The following TBX3 variants were observed in gnomAD, a reference collection of about 807,000 sequenced individuals.
TBX3 encodes the protein T-box transcription factor TBX3.
In TBX3, 11 loss-of-function variants were observed where a neutral mutation model predicts 47.8. The ratio of observed to expected loss-of-function variants is 0.23; its 90% confidence interval spans 0.14 to 0.38. The LOEUF (loss-of-function observed/expected upper bound fraction) is 0.38, where lower values mean the gene tolerates loss of function less well. Among genes scored for constraint, TBX3 ranks in the 10% least tolerant of loss-of-function variants. TBX3 has a pLI of 1.00. For missense variants in TBX3, 927 were observed against 1,022.8 expected (o/e 0.91, Z 1.28); for synonymous variants, 500 against 449.3 (o/e 1.11, Z -1.43).
At chr12:114,677,537 G>T in intron 4 of TBX3, 43 bp downstream of exon 4, 2 of 1,590,356 alleles carry the variant, frequency 1.3e-6, no homozygotes, top group Non-Finnish European at 1.7e-6. Flanking sequence ...CCTAAAAAAA[G>T]GGATTTTTCT....
Position 114,681,061 on chromosome 12 carries a change from C to T in TBX3, c.475G>A (p.Asp159Asn). The T allele has an allele frequency of 1.2e-6, 2 of 1,613,962 alleles. No homozygotes were observed. Among genetic ancestry groups the T allele is most frequent in the Non-Finnish European group, 1.7e-6 (2 of 1,180,026 alleles). ...TTGTGAAATTTATAACGACAGTCATCAGCAGCTATAATGTCCATCAATAAA... is the reference window on the plus strand; with the variant it reads ...TTGTGAAATTTATAACGACAGTCATTAGCAGCTATAATGTCCATCAATAAA... The part of the protein sequence containing the change: ...YILLMDIIAA[D>N]DCRYKFHNSR... The change falls in exon 2 of 7, where the codon GAT (aspartate) becomes AAT (asparagine). Residue 159 changes from aspartate (D) to asparagine (N), a missense_variant. Coordinates refer to ENST00000349155, the MANE Select transcript of TBX3 (RefSeq NM_005996.4).
Position 114,670,337 on chromosome 12 carries a change from A to T in TBX3, c.*1504T>A. 1 of 224,802 alleles carries T rather than the reference A, an allele frequency of 4.4e-6. No homozygotes were observed. The highest frequency in any genetic ancestry group is 8.9e-6 in the Non-Finnish European group (1 of 112,818). 13.9% of individuals were successfully genotyped at this position (224,802 alleles called of 1,614,324 possible). A position where few individuals can be genotyped will look rare whatever the true frequency, so the allele number is the denominator to read the frequency against. ...ATACAGAAAACCAAAGAACTCATCA[A>T]CAACTATAACACAAAATATACCTTC... On this transcript the variant is annotated 3_prime_UTR_variant, in exon 7 of 7. Coordinates refer to ENST00000349155, the MANE Select transcript of TBX3 (RefSeq NM_005996.4).
rs1868631530 is a variant in TBX3, at chr12:114,674,766, C to A, written c.1109G>T (p.Cys370Phe). The part of the protein sequence containing the change: ...ESKEEHGPEA[C>F]DAAKISTTTS... ...GGTGGTGGAGATCTTGGCCGCGTCG[C>A]AGGCCTCGGGGCCATGCTCCTCTTT... The change falls in exon 6 of 7, where the codon TGC (cysteine) becomes TTC (phenylalanine). Residue 370 changes from cysteine to phenylalanine, a missense_variant. Coordinates refer to ENST00000349155, the MANE Select transcript of TBX3 (RefSeq NM_005996.4). The A allele has an allele frequency of 6.3e-7, 1 of 1,588,968 alleles. No homozygotes were observed. Among genetic ancestry groups the A allele is most frequent in the African/African-American group, 1.3e-5 (1 of 74,772 alleles).
At chr12:114,681,299 C>A (rs1378833742) in intron 1 of TBX3, among the ~76,000 whole-genome samples, 153 bp from the exon 2 acceptor site, 3 of 152,182 alleles carry the variant, frequency 2.0e-5, no homozygotes, top group Non-Finnish European at 4.4e-5. Context: ...CAACTGGTTG[C>A]AAAATCGTTT....
rs1275440248 is a variant in TBX3, at chr12:114,671,847, G to A, written c.2166C>T (p.Ser722=). ...EAKPDRSRSA[S]P is the part of the protein sequence containing the mutation. ...AGACGTGTCTGGGACGGGTCTACGG[G>A]GACGCGCTGCGGGACCTGTCCGGCT... The change falls in exon 7 of 7, where the codon TCC becomes TCT. Residue 722 remains serine (S), a synonymous_variant. Transcript: ENST00000349155. 6 of 1,555,988 alleles carry A rather than the reference G, an allele frequency of 3.9e-6. No individual in the cohort carries two copies. In the East Asian group the frequency reaches 1.4e-4, roughly 38 times the overall value.
rs536946655 is a variant in TBX3 at position 114,683,059 on chromosome 12, G to C, written c.142C>G (p.Pro48Ala). The C allele has an allele frequency of 1.2e-6, 2 of 1,609,536 alleles. No homozygotes were observed. Among genetic ancestry groups the C allele is most frequent in the East Asian group, 4.5e-5 (2 of 44,700 alleles). The change falls in exon 1 of 7, where the codon CCC becomes GCC. Residue 48 changes from proline to alanine, a missense_variant. Pro to Ala is a conservative substitution (Grantham distance 27). Around this residue, in one of 5 missense-constraint regions of TBX3, gnomAD observed 216 missense variants for 281.2 expected, o/e 0.77. Coordinates refer to ENST00000349155, the MANE Select transcript of TBX3 (RefSeq NM_005996.4). The surrounding 1 kb of genome is among the most constrained non-coding windows in gnomAD (Gnocchi z 7.7). ...PPFFPALTLP[P>A]NGAAALSLPG... is the part of the protein sequence containing the mutation. ...AGCGAGAGCGCCGCCGCGCCGTTGG[G>C]AGGCAGCGTCAGCGCGGGGAAGAAC... is the stretch of plus-strand genomic sequence containing the variant.
rs1869038914 is a variant in TBX3 at position 114,683,423 on chromosome 12, G to A, written c.-223C>T. On this transcript the variant is annotated 5_prime_UTR_variant, in exon 1 of 7. Transcript: ENST00000349155. This position sits in a 1 kb window ranked among gnomAD's most constrained non-coding sequence, Gnocchi z 7.7. ...AGAATGGGAGGCCGCTTTTAAAGAG[G>A]GCAAGGCGAAAAATCAGCAAACATA... 3.3e-6 allele frequency: 2 copies of A among 612,330 alleles called. No homozygotes were observed. The highest frequency in any genetic ancestry group is 2.5e-5 in the South Asian group (1 of 39,736). 37.9% of individuals were successfully genotyped at this position (612,330 alleles called of 1,614,324 possible). A position where few individuals can be genotyped will look rare whatever the true frequency, so the allele number is the denominator to read the frequency against.
chr12:114,677,528 C>T, intron 4 of TBX3, 52 bp downstream of exon 4: 1 of 1,577,696 alleles, frequency 6.3e-7, no homozygotes, highest in Admixed American at 1.7e-5. Flanking sequence ...GAGTTGGATC[C>T]TAAAAAAAGG....
At chr12:114,681,509 A>G (rs539709) in intron 1 of TBX3, among the ~76,000 whole-genome samples, 125,768 of 152,202 alleles carry the variant, frequency 0.83, 52,124 homozygotes, top group East Asian at 0.92. Flanking sequence ...GGGTATCTAG[A>G]TCTAAACAGG....
rs369538205 is a variant in TBX3 at position 114,671,926 on chromosome 12, G to C, written c.2087C>G (p.Ala696Gly). ...LSPKLCAEKE[A>G]ATSELQSIQR... ...GATGCTCTGCAGTTCGCTGGTGGCC[G>C]CCTCTTTCTCCGCGCAGAGTTTGGG... is the stretch of plus-strand genomic sequence containing the variant. Residue 696 changes from alanine to glycine, a missense_variant, in exon 7 of 7, where the codon GCG (alanine) becomes GGG (glycine). This residue lies in a region of TBX3 where 623 missense variants were observed against 569.0 expected (regional missense o/e 1.09). Coordinates refer to ENST00000349155, the MANE Select transcript of TBX3 (RefSeq NM_005996.4). 5 of 1,588,648 alleles carry C rather than the reference G, an allele frequency of 3.1e-6. No individual in the cohort carries two copies. In the African/African-American group the frequency reaches 6.7e-5, roughly 21 times the overall value.
chr12:114,674,816 AC>A lies in TBX3; in HGVS notation c.1058del (p.Gly353ValfsTer259). On this transcript the variant is annotated frameshift_variant, in exon 6 of 7. Transcript: ENST00000349155. LOFTEE classifies it high-confidence loss of function. Reference protein sequence around the residue: ...SNLKDLCPSEGESDAEAESKE... With the variant: ...SNLKDLCPSEXESDAEAESKE... ...TGCTCTCGGCCTCGGCGTCGCTCTC[AC>A]CCTCGCTGGGACATAAATCTACCAC... 6.4e-7 allele frequency: 1 copy of A among 1,573,538 alleles called. No homozygotes were observed.
chr12:114,674,511 C>T lies in TBX3; in HGVS notation c.1364G>A (p.Gly455Asp), dbSNP rs1192814694. The change falls in exon 6 of 7, where the codon GGC (glycine) becomes GAC (aspartate). Residue 455 changes from glycine (G) to aspartate (D), a missense_variant. Gly to Asp is a moderately conservative substitution (Grantham distance 94). This residue lies in a region of TBX3 where 623 missense variants were observed against 569.0 expected (regional missense o/e 1.09). Coordinates refer to ENST00000349155, the MANE Select transcript of TBX3 (RefSeq NM_005996.4). ...CGTGAGCGGCGCGAAGGCCTCCTTGCCCGGGAGCGCGCGCGCCTCTTCCAC... is the reference window on the plus strand; with the variant it reads ...CGTGAGCGGCGCGAAGGCCTCCTTGTCCGGGAGCGCGCGCGCCTCTTCCAC... ...AKVEEARALP[G>D]KEAFAPLTVQ... 3 of 1,510,988 alleles carry T rather than the reference C, an allele frequency of 2.0e-6. No homozygotes were observed. Among genetic ancestry groups the T allele is most frequent in the Admixed American group, 4.5e-5 (2 of 44,438 alleles). The allele number at this position is 1,510,988 out of a possible 1,614,324, so 93.6% of individuals were successfully genotyped here. A position where few individuals can be genotyped will look rare whatever the true frequency, so the allele number is the denominator to read the frequency against.
intron 2 of TBX3, chr12:114,680,145 GA>G: frequency 1.5e-6 from 1 of 684,140 alleles, no homozygotes; most frequent in Non-Finnish European, 2.6e-6. Context: ...GCCCGCTGAA[GA>G]TATTTCCGCG....
In TBX3 at chr12:114,672,379, C is replaced by G. The variant is rs1179322139; in HGVS notation, c.1711-77G>C. ...TCTCATCCCTCTCCTCTCTTCTCCCCCTCCAACATTGGGCAAGCCATGAAT... is the reference window on the plus strand; with the variant it reads ...TCTCATCCCTCTCCTCTCTTCTCCCGCTCCAACATTGGGCAAGCCATGAAT... On this transcript the variant is annotated intron_variant, in intron 6 of 6. Coordinates refer to ENST00000349155, the MANE Select transcript of TBX3 (RefSeq NM_005996.4). 3 of 1,281,550 alleles carry G rather than the reference C, an allele frequency of 2.3e-6. No homozygotes were observed. In the African/African-American group the frequency reaches 4.6e-5, roughly 20 times the overall value. 79.4% of individuals were successfully genotyped at this position (1,281,550 alleles called of 1,614,324 possible). A position where few individuals can be genotyped will look rare whatever the true frequency, so the allele number is the denominator to read the frequency against.
At position 114,682,894 on chromosome 12, in the gene TBX3, G is replaced by A. The variant is rs1042037489; in HGVS notation, c.307C>T (p.Pro103Ser). The change falls in exon 1 of 7, where the codon CCC becomes TCC. Residue 103 changes from proline (P) to serine (S), a missense_variant. Around this residue, in one of 5 missense-constraint regions of TBX3, gnomAD observed 216 missense variants for 281.2 expected, o/e 0.77. Transcript: ENST00000349155. ...MEPEEEVEDD[P>S]KVHLEAKELW... ...TCTTTAGCCTCCAGGTGCACCTTGG[G>A]GTCGTCCTCCACCTCTTCTTCGGGC... 3.1e-6 allele frequency: 5 copies of A among 1,614,060 alleles called. No homozygotes were observed. The highest frequency in any genetic ancestry group is 1.3e-5 in the African/African-American group (1 of 74,918).
At position 114,676,258 on chromosome 12, in the gene TBX3, T is replaced by C. The variant is rs1015218137; in HGVS notation, c.1039+55A>G. The C allele has an allele frequency of 1.9e-6, 3 of 1,610,340 alleles. No individual in the cohort carries two copies. The South Asian group carries it at 3.3e-5, about 18-fold the overall frequency. ...GGTTGGTGCCCCATCCCCCTTCAAC[T>C]CTTCCAGGCCACGAGGGACTGGAGT... On this transcript the variant is annotated intron_variant, in intron 5 of 6. Coordinates refer to ENST00000349155, the MANE Select transcript of TBX3 (RefSeq NM_005996.4).
chr12:114,671,356 G>C lies in TBX3; in HGVS notation c.*485C>G, dbSNP rs2121372500. ...CAGTAATTTATTGAGAACCGATAAT[G>C]CAAGTCCCTATAAAGTTTTTAATCT... is the stretch of plus-strand genomic sequence containing the variant. On this transcript the variant is annotated 3_prime_UTR_variant, in exon 7 of 7. Coordinates refer to ENST00000349155, the MANE Select transcript of TBX3 (RefSeq NM_005996.4). The C allele has an allele frequency of 4.0e-6, 1 of 249,086 alleles. No homozygotes were observed. Among genetic ancestry groups the C allele is most frequent in the South Asian group, 1.4e-4 (1 of 7,156 alleles). The allele number at this position is 249,086 out of a possible 1,614,324, so 15.4% of individuals were successfully genotyped here. A position where few individuals can be genotyped will look rare whatever the true frequency, so the allele number is the denominator to read the frequency against.
At chr12:114,680,196 C>G in intron 2 of TBX3, 1 of 580,918 alleles carries the variant, frequency 1.7e-6, no homozygotes, top group Non-Finnish European at 3.1e-6. Context: ...CTGCTTACTC[C>G]TTGCTTATCA....
In TBX3 at chr12:114,677,661, T is replaced by C; in HGVS notation, c.805-5A>G. The C allele has an allele frequency of 6.2e-7, 1 of 1,613,804 alleles. No homozygotes were observed. The highest frequency in any genetic ancestry group is 8.5e-7 in the Non-Finnish European group (1 of 1,179,654). ...GTCTATTTTTAACTGGGTTATCTAT[T>C]GGAAGAGACACAAGCAAGACAGAGA... On this transcript the variant is annotated splice_polypyrimidine_tract_variant and splice_region_variant and intron_variant, in intron 3 of 6. Transcript: ENST00000349155.
Sources: allele counts gnomAD v4.1 joint callset (sites outside exome capture counted in the v4.1 genomes callset), GRCh38; gene constraint gnomAD v4.1.1; regional missense constraint gnomAD v4.1.1; non-coding constraint Gnocchi (gnomAD v3.1); transcripts MANE v1.5; gene names NCBI Gene and HGNC (gene_info 2026-07-23, HGNC 2026-07-21).